KCNU1: variants seen among roughly 807,000 people sequenced by gnomAD.
The protein encoded by KCNU1 is potassium calcium-activated channel subfamily U member 1.
In KCNU1, 93 loss-of-function variants were observed where a neutral mutation model predicts 126.8. That is an observed-to-expected ratio of 0.73 (90% CI 0.62 to 0.87). KCNU1 has a LOEUF of 0.87. KCNU1 is among the 40% of genes least tolerant of loss of function. KCNU1 has a pLI of 0.00. For missense variants in KCNU1, 1,330 were observed against 1,367.1 expected (o/e 0.97, Z 0.43); for synonymous variants, 523 against 494.2 (o/e 1.06, Z -0.77).
Position 36,870,589 on chromosome 8 carries a change from C to T in KCNU1, c.2009+6068C>T, listed in dbSNP as rs374683547. ...GGGCAGAAGATCGGATACAAATCACCGTACATGGCTCTTTTCATGTCATAT... is the reference window on the plus strand; with the variant it reads ...GGGCAGAAGATCGGATACAAATCACTGTACATGGCTCTTTTCATGTCATAT... On this transcript the variant is annotated intron_variant, in intron 19 of 26. Coordinates refer to ENST00000399881, the MANE Select transcript of KCNU1 (RefSeq NM_001031836.3). Among the ~76,000 whole-genome samples, 10 of 152,264 alleles carry T rather than the reference C, an allele frequency of 6.6e-5. No individual in the cohort carries two copies. In the South Asian group the frequency reaches 1.2e-3, roughly 19 times the overall value.
At position 36,864,493 on chromosome 8, in the gene KCNU1, A is replaced by C. The variant is rs1805836617; in HGVS notation, c.1981A>C (p.Thr661Pro). The part of the protein sequence containing the change: ...QDSPPRVSAS[T>P]SSISNFTTRT... ...TTCTCCGCCAAGGGTATCTGCAAGC[A>C]CTTCGAGCATATCAAACTTCACCAC... Residue 661 changes from threonine (T) to proline (P), a missense_variant, in exon 19 of 27, where the codon ACT becomes CCT. This residue lies in a region of KCNU1 where 1,054 missense variants were observed against 1,053.9 expected (regional missense o/e 1.00). Transcript: ENST00000399881. 1 of 1,611,584 alleles carries C rather than the reference A, an allele frequency of 6.2e-7. No individual in the cohort carries two copies. Among genetic ancestry groups the C allele is most frequent in the Admixed American group, 1.7e-5 (1 of 59,966 alleles).
At chr8:36,817,851 T>A in intron 10 of KCNU1, 91 bp downstream of exon 10, 1 of 653,810 alleles carries the variant, frequency 1.5e-6, no homozygotes, top group Non-Finnish European at 2.7e-6. Flanking sequence ...TTCACAATAT[T>A]TATAGAAAAA....
chr8:36,906,293 G>C (rs1245138595), intron 20 of KCNU1, among the ~76,000 whole-genome samples: 1 of 151,006 alleles, frequency 6.6e-6, no homozygotes, highest in Non-Finnish European at 1.5e-5. Flanking sequence ...TAACACATTA[G>C]CCACAAATAT....
chr8:36,912,234 G>A (rs1024731699), intron 22 of KCNU1, among the ~76,000 whole-genome samples: 1 of 152,296 alleles, frequency 6.6e-6, no homozygotes, highest in South Asian at 2.1e-4. Flanking sequence ...GTTCGTGATT[G>A]AAACTGGGAA....
chr8:36,847,124 C>CT (rs1554507042), intron 18 of KCNU1, among the ~76,000 whole-genome samples: 2 of 152,186 alleles, frequency 1.3e-5, no homozygotes, highest in Non-Finnish European at 2.9e-5. Context: ...GGGTCAGGCT[C>CT]TATCATTTGT....
At chr8:36,857,649 T>G (rs998184066) in intron 18 of KCNU1, among the ~76,000 whole-genome samples, 9 of 152,228 alleles carry the variant, frequency 5.9e-5, no homozygotes, top group East Asian at 3.9e-4. Flanking sequence ...TGTTTTTGTT[T>G]TTGTTGTTGT....
Position 36,931,096 on chromosome 8 carries a change from G to C in KCNU1, c.2882G>C (p.Cys961Ser). ...TCGCTCTTGTCTGGAAGAAACCGGT[G>C]TAAGCTGGGGCTTCTGTCCTTACAC... ...CTSLLSGRNR[C>S]KLGLLSLHET... The change falls in exon 25 of 27, where the codon TGT becomes TCT. Residue 961 changes from cysteine to serine, a missense_variant. Cys to Ser is a moderately radical substitution (Grantham distance 112). This residue lies in a region of KCNU1 where 1,054 missense variants were observed against 1,053.9 expected (regional missense o/e 1.00). Transcript: ENST00000399881. The C allele has an allele frequency of 6.2e-7, 1 of 1,611,624 alleles. No homozygotes were observed. The highest frequency in any genetic ancestry group is 8.5e-7 in the Non-Finnish European group (1 of 1,178,610).
chr8:36,822,971 C>G (rs1185046380), intron 10 of KCNU1, among the ~76,000 whole-genome samples: 2 of 152,106 alleles, frequency 1.3e-5, no homozygotes, highest in Non-Finnish European at 2.9e-5. Context: ...GAAATCAGTT[C>G]TCAGATGAGA....
intron 7 of KCNU1, among the ~76,000 whole-genome samples, chr8:36,812,386 A>G (rs989096817): frequency 2.8e-4 from 42 of 151,876 alleles, no homozygotes; most frequent in African/African-American, 9.9e-4. Context: ...CTCAAAAAAA[A>G]AAAAAAAAAA....
intron 7 of KCNU1, among the ~76,000 whole-genome samples, chr8:36,812,310 G>A (rs1803749529): frequency 6.6e-6 from 1 of 151,242 alleles, no homozygotes; most frequent in African/African-American, 2.4e-5. Context: ...AGCCCAGGAG[G>A]TGGAGGTTGC....
At chr8:36,844,993 T>C (rs951496047) in intron 16 of KCNU1, among the ~76,000 whole-genome samples, 14 of 151,560 alleles carry the variant, frequency 9.2e-5, no homozygotes, top group African/African-American at 3.4e-4. Context: ...CACAAGAAAA[T>C]AGAAAATCAA....
intron 22 of KCNU1, among the ~76,000 whole-genome samples, chr8:36,912,948 C>T (rs1469511870): frequency 1.9e-5 from 1 of 53,694 alleles, no homozygotes; most frequent in Non-Finnish European, 3.1e-5. Context: ...AGTCTGGTGA[C>T]AGAGCAAAAA....
Position 36,836,842 on chromosome 8 carries a change from T to A in KCNU1, c.1415T>A (p.Ile472Asn), listed in dbSNP as rs1804767158. ...PSWNWDTGDN[I>N]ICFAELKLGF... ...TGGAACTGGGACACCGGAGACAACA[T>A]CATCTGCTTTGCTGAATTAAAACTT... The change falls in exon 14 of 27, where the codon ATC becomes AAC. Residue 472 changes from isoleucine to asparagine, a missense_variant. Coordinates refer to ENST00000399881, the MANE Select transcript of KCNU1 (RefSeq NM_001031836.3). The A allele has an allele frequency of 6.2e-7, 1 of 1,613,706 alleles. No individual in the cohort carries two copies. Among genetic ancestry groups the A allele is most frequent in the African/African-American group, 1.3e-5 (1 of 74,922 alleles).
rs144638899 is a variant in KCNU1, at chr8:36,869,912, C to T, written c.2009+5391C>T. On this transcript the variant is annotated intron_variant, in intron 19 of 26. Transcript: ENST00000399881. Reference sequence around the variant, plus strand: ...GGAGAGGTTACAGAGTTCAAGACCTCGCAAGATTTAATTCACTGTCTACAA... The same window carrying T: ...GGAGAGGTTACAGAGTTCAAGACCTTGCAAGATTTAATTCACTGTCTACAA... Among the ~76,000 whole-genome samples, 5 of 152,224 alleles carry T rather than the reference C, an allele frequency of 3.3e-5. No individual in the cohort carries two copies. The East Asian group carries it at 9.7e-4, about 29-fold the overall frequency.
chr8:36,789,839 G>A (rs992030454), intron 2 of KCNU1, among the ~76,000 whole-genome samples: 1 of 152,178 alleles, frequency 6.6e-6, no homozygotes, highest in Non-Finnish European at 1.5e-5. Context: ...ATAGAATTGC[G>A]GAGGCAAAGA....
chr8:36,825,776 CT>C (rs908680620), intron 10 of KCNU1, among the ~76,000 whole-genome samples: 70 of 145,864 alleles, frequency 4.8e-4, no homozygotes, highest in Admixed American at 1.2e-3. Flanking sequence ...GTAAAGATGT[CT>C]TTTTTTTTTT....
intron 10 of KCNU1, among the ~76,000 whole-genome samples, chr8:36,819,269 G>A (rs961263243): frequency 6.6e-6 from 1 of 152,020 alleles, no homozygotes; most frequent in African/African-American, 2.4e-5. Context: ...GGCCCCTCAA[G>A]CTCAACATTC....
chr8:36,905,385 C>A (rs1390947947), intron 19 of KCNU1, among the ~76,000 whole-genome samples: 1 of 149,802 alleles, frequency 6.7e-6, no homozygotes, highest in Non-Finnish European at 1.5e-5. Flanking sequence ...TGATATCTGC[C>A]AATGGATAAC....
rs912320323 is a variant in KCNU1, at chr8:36,845,863, T to C, written c.1855T>C (p.Cys619Arg). 2.0e-5 allele frequency: 32 copies of C among 1,607,060 alleles called. No individual in the cohort carries two copies. The highest frequency in any genetic ancestry group is 2.6e-5 in the Non-Finnish European group (30 of 1,176,318). ...DVFIPELITN[C>R]GCKSRSRQHI... is the part of the protein sequence containing the mutation. Reference sequence around the variant, plus strand: ...GTTCATTCCTGAGCTAATTACAAACTGTGGCTGCAAAAGCAGAAGCCGGCA... The same window carrying C: ...GTTCATTCCTGAGCTAATTACAAACCGTGGCTGCAAAAGCAGAAGCCGGCA... The change falls in exon 18 of 27, where the codon TGT (cysteine) becomes CGT (arginine). Residue 619 changes from cysteine to arginine, a missense_variant. Cys to Arg is a radical substitution (Grantham distance 180). Transcript: ENST00000399881.
Sources: allele counts gnomAD v4.1 joint callset (sites outside exome capture counted in the v4.1 genomes callset), GRCh38; gene constraint gnomAD v4.1.1; regional missense constraint gnomAD v4.1.1; transcripts MANE v1.5; gene names NCBI Gene and HGNC (gene_info 2026-07-23, HGNC 2026-07-21).